Variants in COG6 observed in about 807,000 individuals in gnomAD.
The protein encoded by COG6 is component of oligomeric golgi complex 6, also known as conserved oligomeric Golgi complex subunit 6.
A neutral mutation model predicts 88.8 loss-of-function variants in COG6; 74 were observed. The ratio of observed to expected loss-of-function variants is 0.83; its 90% CI spans 0.69 to 1.01. The LOEUF (loss-of-function observed/expected upper bound fraction) is 1.01, where lower values mean the gene tolerates loss of function less well. Among genes scored for constraint, COG6 ranks in the 50% least tolerant of loss-of-function variants. The probability of loss-of-function intolerance (pLI) is 0.00; values close to 1 mark genes in which losing one functional copy is unlikely to be tolerated. For synonymous variants in COG6, 286 were observed against 278.7 expected, an observed-to-expected ratio of 1.03 and a Z score of -0.26; for missense variants, 800 against 797.9, an observed-to-expected ratio of 1.00 and a Z score of -0.03.
intron 7 of COG6, among the ~76,000 whole-genome samples, chr13:39,681,584 G>A (rs566399121): frequency 6.6e-6 from 1 of 152,250 alleles, no homozygotes; most frequent in African/African-American, 2.4e-5. Flanking sequence ...TGAAGTCCTT[G>A]TGTACCAAAG....
intron 18 of COG6, among the ~76,000 whole-genome samples, chr13:39,758,006 A>G (rs562869036): frequency 6.6e-5 from 10 of 151,616 alleles, no homozygotes; most frequent in African/African-American, 2.4e-4. Flanking sequence ...CAGATCATGA[A>G]GTCAAGAGAT....
chr13:39,779,758 G>A (rs1241196985), intron 18 of COG6, among the ~76,000 whole-genome samples: 3 of 152,126 alleles, frequency 2.0e-5, no homozygotes, highest in Non-Finnish European at 4.4e-5. Flanking sequence ...CTGTGTCTCT[G>A]ACATCACAGG....
At chr13:39,665,931 C>T (rs1023786845) in intron 4 of COG6, among the ~76,000 whole-genome samples, 1 of 152,230 alleles carries the variant, frequency 6.6e-6, no homozygotes, top group South Asian at 2.1e-4. Context: ...TCCAGCTCAA[C>T]ACCTGCTTTT....
At chr13:39,721,879 A>G (rs59023534) in intron 15 of COG6, among the ~76,000 whole-genome samples, 1 of 151,950 alleles carries the variant, frequency 6.6e-6, no homozygotes, top group African/African-American at 2.4e-5. Context: ...GGGATTTTCC[A>G]TTGAGTTTAT....
chr13:39,783,095 ATTAC>A (rs1881677321), intron 18 of COG6, among the ~76,000 whole-genome samples: 1 of 152,156 alleles, frequency 6.6e-6, no homozygotes, highest in Non-Finnish European at 1.5e-5. Flanking sequence ...CTTTTTTACA[ATTAC>A]TTCATTATAG....
At chr13:39,742,125 G>A (rs927230906) in intron 18 of COG6, among the ~76,000 whole-genome samples, 8 of 152,078 alleles carry the variant, frequency 5.3e-5, no homozygotes, top group Non-Finnish European at 1.2e-4. Context: ...GAAAGGAACA[G>A]CCGGTACCAG....
chr13:39,684,061 T>A (rs902223245), intron 8 of COG6, among the ~76,000 whole-genome samples: 1 of 151,964 alleles, frequency 6.6e-6, no homozygotes, highest in East Asian at 1.9e-4. Flanking sequence ...ATTTTAGATA[T>A]TATTTTTATT....
chr13:39,753,067 A>G (rs182388405), downstream of COG6, among the ~76,000 whole-genome samples: 88 of 152,316 alleles, frequency 5.8e-4, 1 homozygote, highest in Middle Eastern at 0.024. Context: ...GAAATTCATG[A>G]TTACAGTGTT....
chr13:39,656,548 C>T (rs1224157590), intron 1 of COG6, among the ~76,000 whole-genome samples: 1 of 151,924 alleles, frequency 6.6e-6, no homozygotes, highest in Non-Finnish European at 1.5e-5. Flanking sequence ...ACATACCCAG[C>T]CATCTCTTCT....
At chr13:39,783,566 C>T (rs1881691679) in intron 18 of COG6, among the ~76,000 whole-genome samples, 1 of 152,188 alleles carries the variant, frequency 6.6e-6, no homozygotes, top group Non-Finnish European at 1.5e-5. Flanking sequence ...AATGATGGTA[C>T]AGTTGGCAGT....
At chr13:39,758,168 C>G (rs962346146) in intron 18 of COG6, among the ~76,000 whole-genome samples, 1 of 136,132 alleles carries the variant, frequency 7.3e-6, no homozygotes, top group Non-Finnish European at 1.5e-5. Context: ...TTCGGTGAGT[C>G]GAGATTGTGC....
intron 18 of COG6, among the ~76,000 whole-genome samples, chr13:39,775,002 A>G (rs967620830): frequency 2.6e-5 from 4 of 152,242 alleles, no homozygotes; most frequent in African/African-American, 9.6e-5. Context: ...ATGCAAAGCT[A>G]CAAAAATGAC....
chr13:39,686,836 C>T (rs990530129), intron 8 of COG6, among the ~76,000 whole-genome samples: 3 of 151,964 alleles, frequency 2.0e-5, no homozygotes, highest in African/African-American at 7.3e-5. Context: ...CTCAAGTGAT[C>T]CCCCTACCTC....
intron 4 of COG6, among the ~76,000 whole-genome samples, chr13:39,674,447 C>G (rs1202116020): frequency 6.6e-6 from 1 of 151,928 alleles, no homozygotes; most frequent in Non-Finnish European, 1.5e-5. Flanking sequence ...AGAAAAGTAC[C>G]ACAGGATTCA....
chr13:39,773,731 C>T (rs1881381441), intron 18 of COG6, among the ~76,000 whole-genome samples: 1 of 152,176 alleles, frequency 6.6e-6, no homozygotes, highest in African/African-American at 2.4e-5. Flanking sequence ...CTATCCACCT[C>T]ACAATCAGCT....
chr13:39,751,047 A>T lies in COG6; in HGVS notation c.1928A>T (p.Asn643Ile). Residue 643 changes from asparagine to isoleucine, a missense_variant, in exon 19 of 19, where the codon AAC becomes ATC. Asn to Ile is a moderately radical substitution (Grantham distance 149, BLOSUM62 -3). Coordinates refer to ENST00000455146, the MANE Select transcript of COG6 (RefSeq NM_020751.3). Reference sequence around the variant, plus strand: ...ATCAATGAATACAAAGATCCAGAGAACATTCTTCACCGATCGCCGCAGCAA... The same window carrying T: ...ATCAATGAATACAAAGATCCAGAGATCATTCTTCACCGATCGCCGCAGCAA... ...NPINEYKDPENILHRSPQQVQ... is the reference protein window; with the variant it reads ...NPINEYKDPEIILHRSPQQVQ... 1 of 1,613,782 alleles carries T rather than the reference A, an allele frequency of 6.2e-7. No homozygotes were observed. Among genetic ancestry groups the T allele is most frequent in the East Asian group, 2.2e-5 (1 of 44,818 alleles).
Position 39,660,876 on chromosome 13 carries a change from C to T in COG6, c.364C>T (p.Leu122=), listed in dbSNP as rs1017742754. ...CTGTTGTCAAGATATGACAAGTCGC[C>T]TACAGGTATTATATAATGGCTAGAT... is the stretch of plus-strand genomic sequence containing the variant. The part of the protein sequence containing the change: ...SNCCQDMTSR[L]QAAKEQTQDL... Residue 122 remains leucine (L), a synonymous_variant, in exon 3 of 19, where the codon CTA becomes TTA. Coordinates refer to ENST00000455146, the MANE Select transcript of COG6 (RefSeq NM_020751.3). 6.3e-7 allele frequency: 1 copy of T among 1,587,512 alleles called. No individual in the cohort carries two copies. The highest frequency in any genetic ancestry group is 8.6e-7 in the Non-Finnish European group (1 of 1,156,858).
intron 3 of COG6, among the ~76,000 whole-genome samples, chr13:39,664,814 C>T (rs767925188): frequency 1.3e-5 from 2 of 152,188 alleles, no homozygotes; most frequent in Non-Finnish European, 2.9e-5. Flanking sequence ...TCCAGTGCTT[C>T]TGTTGCACTA....
intron 18 of COG6, among the ~76,000 whole-genome samples, chr13:39,729,592 A>C (rs745578848): frequency 2.6e-5 from 4 of 152,182 alleles, no homozygotes; most frequent in Non-Finnish European, 5.9e-5. Flanking sequence ...TATTTGAACA[A>C]CTCACAGAAG....
Sources: allele counts gnomAD v4.1 joint callset (sites outside exome capture counted in the v4.1 genomes callset), GRCh38; gene constraint gnomAD v4.1.1; transcripts MANE v1.5; gene names NCBI Gene and HGNC (gene_info 2026-07-23, HGNC 2026-07-21).